The following NINL variants were observed in gnomAD, a reference collection of about 807,000 sequenced individuals.
The protein encoded by NINL is ninein like.
Under a neutral mutation model 160.3 loss-of-function variants are expected in NINL, and 153 were observed. That is an observed-to-expected ratio of 0.95 (90% CI 0.84 to 1.09). The LOEUF is 1.09. Among genes scored for constraint, NINL ranks in the 50% least tolerant of loss-of-function variants. NINL has a pLI of 0.00. For synonymous variants in NINL, 800 were observed against 734.8 expected, an observed-to-expected ratio of 1.09 and a Z score of -1.43; for missense variants, 1,829 against 1,764.0, an observed-to-expected ratio of 1.04 and a Z score of -0.66.
rs542023731 is a variant in NINL, at chr20:25,514,764, A to G, written c.278-1758T>C. Among the ~76,000 whole-genome samples the G allele has an allele frequency of 1.3e-5, 2 of 152,342 alleles. 1 individual carries two copies. Among genetic ancestry groups the G allele is most frequent in the East Asian group, 3.9e-4 (2 of 5,184 alleles). ...CGTCCCAGCTGCTCCAGCTCCAGCC[A>G]TGGCTAAAAGGGGCCAAAAATATCT... On this transcript the variant is annotated intron_variant, in intron 3 of 23. Transcript: ENST00000278886.
At chr20:25,554,640 A>ACAAAACAAAACAAAAC (rs1568963313) in intron 1 of NINL, among the ~76,000 whole-genome samples, 4 of 100,568 alleles carry the variant, frequency 4.0e-5, no homozygotes, top group African/African-American at 2.1e-4. Context: ...AAAAAACAAA[A>ACAAAACAAAACAAAAC]AAAAAAAAAA....
chr20:25,559,563 CT>C (rs887410097), intron 1 of NINL, among the ~76,000 whole-genome samples: 1 of 151,792 alleles, frequency 6.6e-6, no homozygotes. Context: ...CATTTTCCGT[CT>C]GCTTGGTCGT....
At chr20:25,536,194 G>A (rs745634270) in intron 1 of NINL, among the ~76,000 whole-genome samples, 87 of 152,104 alleles carry the variant, frequency 5.7e-4, no homozygotes, top group Non-Finnish European at 1.1e-3. Flanking sequence ...ACACACTTCG[G>A]CAAAATAAGG....
intron 13 of NINL, among the ~76,000 whole-genome samples, 178 bp from the exon 14 acceptor site, chr20:25,482,278 G>A (rs1336094891): frequency 6.6e-6 from 1 of 152,256 alleles, no homozygotes; most frequent in Non-Finnish European, 1.5e-5. Context: ...ACATCATGGT[G>A]AGATAAGCCA....
At chr20:25,563,980 A>C (rs557431487) in intron 1 of NINL, among the ~76,000 whole-genome samples, 235 of 152,234 alleles carry the variant, frequency 1.5e-3, no homozygotes, top group African/African-American at 5.5e-3. Flanking sequence ...GCTCTTTGGG[A>C]GACCACGGCA....
chr20:25,553,026 T>C (rs1034117730), intron 1 of NINL, among the ~76,000 whole-genome samples: 1 of 151,600 alleles, frequency 6.6e-6, no homozygotes, highest in Non-Finnish European at 1.5e-5. Flanking sequence ...GCAAGGGCAC[T>C]GGTGCAGCGG....
At position 25,478,989 on chromosome 20, in the gene NINL, G is replaced by T. The variant is rs1239413910; in HGVS notation, c.2135C>A (p.Ala712Glu). ...RGPEPEQMGL[A>E]PCCTQALCGL... Reference sequence around the variant, plus strand: ...ACACAGTGCCTGGGTGCAGCAGGGTGCCAGGCCCATCTGCTCAGGCTCGGG... The same window carrying T: ...ACACAGTGCCTGGGTGCAGCAGGGTTCCAGGCCCATCTGCTCAGGCTCGGG... The change falls in exon 16 of 24, where the codon GCA becomes GAA. Residue 712 changes from alanine to glutamate, a missense_variant. By Grantham distance (107) the Ala-to-Glu change is moderately radical. Transcript: ENST00000278886. The T allele has an allele frequency of 6.2e-7, 1 of 1,605,276 alleles. No individual in the cohort carries two copies. Among genetic ancestry groups the T allele is most frequent in the African/African-American group, 1.3e-5 (1 of 75,026 alleles).
rs562856131 is a variant in NINL, at chr20:25,453,559, G to C, written c.4041C>G (p.Thr1347=). 6.2e-7 allele frequency: 1 copy of C among 1,614,060 alleles called. No homozygotes were observed. The highest frequency in any genetic ancestry group is 8.5e-7 in the Non-Finnish European group (1 of 1,179,990). ...TCTCGGCGCCTCGCTGCTTCTCCTC[G>C]GTGGCCTGAAGTGCTCTCACCAGGT... The part of the protein sequence containing the change: ...NAHLVRALQA[T]EEKQRGAEKQ... Residue 1347 remains threonine (T), a synonymous_variant, in exon 24 of 24, where the codon ACC becomes ACG. Coordinates refer to ENST00000278886, the MANE Select transcript of NINL (RefSeq NM_025176.6).
chr20:25,530,892 G>C (rs1244065928), intron 1 of NINL, among the ~76,000 whole-genome samples: 1 of 152,154 alleles, frequency 6.6e-6, no homozygotes, highest in African/African-American at 2.4e-5. Flanking sequence ...CATTGTCATT[G>C]ATAACATCTT....
At chr20:25,464,768 G>C (rs1184526702) in intron 19 of NINL, among the ~76,000 whole-genome samples, 1 of 152,194 alleles carries the variant, frequency 6.6e-6, no homozygotes, top group African/African-American at 2.4e-5. Flanking sequence ...CTGTCCAGCT[G>C]TTTCAGCCTC....
intron 1 of NINL, among the ~76,000 whole-genome samples, chr20:25,570,454 T>A (rs1159792542): frequency 6.6e-6 from 1 of 152,024 alleles, no homozygotes; most frequent in African/African-American, 2.4e-5. Flanking sequence ...GCTCCCACTG[T>A]GTGAGCCACC....
intron 1 of NINL, among the ~76,000 whole-genome samples, chr20:25,558,120 G>C (rs781039691): frequency 5.7e-4 from 87 of 152,188 alleles, no homozygotes; most frequent in African/African-American, 2.1e-3. Flanking sequence ...TAGCCTGGGT[G>C]AAAGAGCAAG....
At chr20:25,490,093 A>C in intron 11 of NINL, 108 bp from the exon 12 acceptor site, 1 of 965,464 alleles carries the variant, frequency 1.0e-6, no homozygotes. Context: ...TCAGGAAAGA[A>C]CCCCCACCCA....
chr20:25,486,857 C>T (rs774391417), intron 13 of NINL, among the ~76,000 whole-genome samples: 85 of 152,202 alleles, frequency 5.6e-4, no homozygotes, highest in Non-Finnish European at 8.8e-4. Context: ...AACAACAATG[C>T]TTTATCTGGT....
intron 13 of NINL, among the ~76,000 whole-genome samples, chr20:25,487,828 C>T (rs2063534201): frequency 6.6e-6 from 1 of 152,226 alleles, no homozygotes; most frequent in African/African-American, 2.4e-5. Flanking sequence ...TGGGGTGAGA[C>T]CATGGGGAGC....
At chr20:25,530,996 G>C (rs534606787) in intron 1 of NINL, among the ~76,000 whole-genome samples, 1 of 152,076 alleles carries the variant, frequency 6.6e-6, no homozygotes, top group Admixed American at 6.5e-5. Context: ...GAGCGCTACG[G>C]GAGACTGGAG....
chr20:25,457,687 C>T (rs1299946234), intron 22 of NINL, among the ~76,000 whole-genome samples: 1 of 152,244 alleles, frequency 6.6e-6, no homozygotes, highest in African/African-American at 2.4e-5. Context: ...GGTTCCTGAT[C>T]TCTCCTGAAG....
chr20:25,584,195 G>C (rs967138645), intron 1 of NINL, among the ~76,000 whole-genome samples: 6 of 152,200 alleles, frequency 3.9e-5, no homozygotes, highest in Non-Finnish European at 7.3e-5. Context: ...ACTTGGCCGG[G>C]TGCAGTGGCT....
chr20:25,578,594 C>T (rs1330156228), intron 1 of NINL, among the ~76,000 whole-genome samples: 1 of 151,400 alleles, frequency 6.6e-6, no homozygotes, highest in Non-Finnish European at 1.5e-5. Context: ...GAGACCGAGA[C>T]CATCCTGGCT....
Sources: gnomAD v4.1 joint callset for allele counts (sites outside exome capture counted in the v4.1 genomes callset) on GRCh38, gnomAD v4.1.1 for gene constraint, MANE v1.5 for transcripts, NCBI Gene and HGNC (gene_info 2026-07-23, HGNC 2026-07-21) for gene names.